PPM1K: variants seen among roughly 807,000 people sequenced by gnomAD.
PPM1K encodes protein phosphatase, Mg2+/Mn2+ dependent 1K, also known as protein phosphatase Mn(2+)-dependent 1K.
Under a neutral mutation model 32.6 loss-of-function variants are expected in PPM1K, and 19 were observed. That is an observed-to-expected ratio of 0.58 (90% CI 0.41 to 0.86). PPM1K has a LOEUF of 0.86. PPM1K is among the 40% of genes least tolerant of loss of function. The pLI is 0.00. For synonymous variants in PPM1K, 159 were observed against 165.3 expected, an observed-to-expected ratio of 0.96 and a Z score of 0.29; for missense variants, 362 against 461.2, an observed-to-expected ratio of 0.78 and a Z score of 1.97.
In PPM1K at chr4:88,278,009, A is replaced by T; in HGVS notation, c.440+135T>A. On this transcript the variant is annotated intron_variant, in intron 2 of 6. Transcript: ENST00000608933. The surrounding 1 kb of genome is among the most constrained non-coding windows in gnomAD (Gnocchi z 4.2). ...AAGTAATAAATGGCACACTTAAACT[A>T]CTGCTCATTCGTGAAGCAGCAGCAT... is the stretch of plus-strand genomic sequence containing the variant. 1 of 684,612 alleles carries T rather than the reference A, an allele frequency of 1.5e-6. No homozygotes were observed. Among genetic ancestry groups the T allele is most frequent in the Non-Finnish European group, 2.5e-6 (1 of 406,838 alleles). The allele number at this position is 684,612 out of a possible 1,614,324, so 42.4% of individuals were successfully genotyped here.
At chr4:88,263,778 C>T (rs1731211585) in intron 6 of PPM1K, among the ~76,000 whole-genome samples, 2 of 152,062 alleles carry the variant, frequency 1.3e-5, no homozygotes, top group African/African-American at 4.8e-5. Flanking sequence ...TCAAGCAATC[C>T]TCCCACCTCA....
At chr4:88,268,950 A>T in intron 3 of PPM1K, 44 bp from the exon 4 acceptor site, 1 of 1,496,986 alleles carries the variant, frequency 6.7e-7, no homozygotes, top group Non-Finnish European at 9.1e-7. Context: ...GTGACAGTCA[A>T]ATGATTGGAT....
intron 1 of PPM1K, among the ~76,000 whole-genome samples, chr4:88,282,711 G>GTC (rs1346769872): frequency 1.3e-5 from 2 of 152,184 alleles, no homozygotes; most frequent in Non-Finnish European, 2.9e-5. Flanking sequence ...ATGTGAATAT[G>GTC]TCTATGTTCA....
At chr4:88,283,380 C>T (rs1028373116) in intron 1 of PPM1K, among the ~76,000 whole-genome samples, 1 of 152,272 alleles carries the variant, frequency 6.6e-6, no homozygotes, top group African/African-American at 2.4e-5. Flanking sequence ...GCTGTGATCA[C>T]AGGCGTGAGC....
chr4:88,275,583 T>C lies in PPM1K; in HGVS notation c.541+1560A>G, dbSNP rs1213814670. 6.1e-6 allele frequency: 6 copies of C among 985,340 alleles called. No individual in the cohort carries two copies. The Admixed American group carries it at 3.7e-4, about 61-fold the overall frequency. The allele number at this position is 985,340 out of a possible 1,614,324, so 61.0% of individuals were successfully genotyped here. ...CCAATGTTTTTGGTTGGTGGTCACA[T>C]GCCTGGGATAAATTTGGACATTCTC... On this transcript the variant is annotated intron_variant, in intron 3 of 6. Transcript: ENST00000608933.
chr4:88,276,633 T>C, intron 3 of PPM1K: 1 of 984,956 alleles, frequency 1.0e-6, no homozygotes, highest in Non-Finnish European at 1.2e-6. Context: ...AATATTTTCC[T>C]TCTAGTTATA....
chr4:88,273,020 G>A (rs1276489117), intron 3 of PPM1K, among the ~76,000 whole-genome samples: 1 of 152,210 alleles, frequency 6.6e-6, no homozygotes, highest in Non-Finnish European at 1.5e-5. Flanking sequence ...CTCACTAAGT[G>A]TAACTTGAGT....
intron 1 of PPM1K, among the ~76,000 whole-genome samples, chr4:88,280,793 G>A (rs1343016896): frequency 6.6e-6 from 1 of 152,110 alleles, no homozygotes; most frequent in Non-Finnish European, 1.5e-5. Flanking sequence ...AGGCTGCAGT[G>A]AGCTAAGATC....
chr4:88,282,347 G>A (rs1010497817), intron 1 of PPM1K, among the ~76,000 whole-genome samples: 5 of 152,264 alleles, frequency 3.3e-5, no homozygotes, highest in Non-Finnish European at 4.4e-5. Context: ...GAGTTCTAAA[G>A]TTCTGAAACC....
chr4:88,261,613 G>A lies in PPM1K; in HGVS notation c.*982C>T, dbSNP rs1327572726. 4.0e-5 allele frequency: 6 copies of A among 151,694 alleles called. No homozygotes were observed. Among genetic ancestry groups the A allele is most frequent in the Admixed American group, 2.6e-4 (4 of 15,222 alleles). 9.4% of individuals were successfully genotyped at this position (151,694 alleles called of 1,614,324 possible). A position where few individuals can be genotyped will look rare whatever the true frequency, so the allele number is the denominator to read the frequency against. On this transcript the variant is annotated 3_prime_UTR_variant, in exon 7 of 7. Coordinates refer to ENST00000608933, the MANE Select transcript of PPM1K (RefSeq NM_152542.5). ...ATAGGAATAAATGGAGGGGAGGGCT[G>A]ATGAGACAGCTGAAATACACATTTA...
chr4:88,280,608 C>T (rs1445417098), intron 1 of PPM1K, among the ~76,000 whole-genome samples: 2 of 152,098 alleles, frequency 1.3e-5, no homozygotes, highest in Admixed American at 1.3e-4. Context: ...ACTAAAAATA[C>T]AAAAATTAGT....
In PPM1K at chr4:88,261,749, T is replaced by A. The variant is rs1462216709; in HGVS notation, c.*846A>T. On this transcript the variant is annotated 3_prime_UTR_variant, in exon 7 of 7. Transcript: ENST00000608933. The stretch of plus-strand genomic sequence containing the variant: ...TTCGCTCTTGCTGCCCAGGCTGGAG[T>A]GCAATGGCATGATCTCAGCTCACTG... 1 of 149,238 alleles carries A rather than the reference T, an allele frequency of 6.7e-6. No individual in the cohort carries two copies. The highest frequency in any genetic ancestry group is 1.5e-5 in the Non-Finnish European group (1 of 67,524). The allele number at this position is 149,238 out of a possible 1,614,324, so 9.2% of individuals were successfully genotyped here.
At chr4:88,273,086 G>A (rs1469028748) in intron 3 of PPM1K, among the ~76,000 whole-genome samples, 1 of 152,206 alleles carries the variant, frequency 6.6e-6, no homozygotes, top group Non-Finnish European at 1.5e-5. Flanking sequence ...TTAAATGTTA[G>A]TAAGATAATT....
At chr4:88,277,120 A>G (rs369655530) in intron 3 of PPM1K, 23 bp downstream of exon 3, 1 of 1,566,904 alleles carries the variant, frequency 6.4e-7, no homozygotes, top group Non-Finnish European at 8.8e-7. Context: ...CTAGGATCCA[A>G]GGAATGTGAT....
At chr4:88,275,921 C>A in intron 3 of PPM1K, 4 of 985,280 alleles carry the variant, frequency 4.1e-6, no homozygotes, top group Non-Finnish European at 4.8e-6. Flanking sequence ...AAGAAAAATT[C>A]CAAAGGAATG....
chr4:88,270,475 T>C (rs1050972874), intron 3 of PPM1K, among the ~76,000 whole-genome samples: 1 of 152,214 alleles, frequency 6.6e-6, no homozygotes, highest in African/African-American at 2.4e-5. Flanking sequence ...ATATTTATAT[T>C]ACAAATGTTA....
chr4:88,277,984 A>T, intron 2 of PPM1K, 160 bp downstream of exon 2: 1 of 640,420 alleles, frequency 1.6e-6, no homozygotes, highest in Non-Finnish European at 2.7e-6. Context: ...TGATAACCAT[A>T]AGTAATAAAT....
intron 5 of PPM1K, among the ~76,000 whole-genome samples, chr4:88,265,617 G>A (rs1731273623): frequency 1.3e-5 from 2 of 152,250 alleles, no homozygotes; most frequent in South Asian, 4.2e-4. Flanking sequence ...CAATACATAG[G>A]CAAACAGTGA....
In PPM1K at chr4:88,260,063, TTATC is replaced by T. The variant is rs1163584877; in HGVS notation, c.*2528_*2531del. ...GAAACCTGCATATTTGTTTATTTAT[TTATC>T]TGAGATGGAGTTTTTGCTCTGCTGT... On this transcript the variant is annotated 3_prime_UTR_variant, in exon 7 of 7. Transcript: ENST00000608933. The T allele has an allele frequency of 1.3e-5, 2 of 152,214 alleles. No homozygotes were observed. The highest frequency in any genetic ancestry group is 2.9e-5 in the Non-Finnish European group (2 of 68,042). 9.4% of individuals were successfully genotyped at this position (152,214 alleles called of 1,614,324 possible).
Sources: allele counts gnomAD v4.1 joint callset (sites outside exome capture counted in the v4.1 genomes callset), GRCh38; gene constraint gnomAD v4.1.1; non-coding constraint Gnocchi (gnomAD v3.1); transcripts MANE v1.5; gene names NCBI Gene and HGNC (gene_info 2026-07-23, HGNC 2026-07-21).